The following KIAA1328 variants were observed in gnomAD, a reference collection of about 807,000 sequenced individuals.
KIAA1328 encodes the protein protein hinderin.
A neutral mutation model predicts 68.1 loss-of-function variants in KIAA1328; 52 were observed. The ratio of observed to expected loss-of-function variants is 0.76; its 90% CI spans 0.61 to 0.96. The LOEUF (loss-of-function observed/expected upper bound fraction) is 0.96. KIAA1328 is among the 40% of genes least tolerant of loss of function. The probability of loss-of-function intolerance (pLI) is 0.00; values close to 1 mark genes in which losing one functional copy is unlikely to be tolerated. For synonymous variants in KIAA1328, 232 were observed against 239.4 expected, an observed-to-expected ratio of 0.97 and a Z score of 0.28; for missense variants, 641 against 677.6, an observed-to-expected ratio of 0.95 and a Z score of 0.60.
chr18:37,187,869 A>G (rs2059833701), intron 9 of KIAA1328, among the ~76,000 whole-genome samples: 1 of 152,194 alleles, frequency 6.6e-6, no homozygotes, highest in Admixed American at 6.5e-5. Flanking sequence ...AAGTCACCAC[A>G]GTCATGTACT....
chr18:36,910,646 C>G (rs916691699), intron 5 of KIAA1328, among the ~76,000 whole-genome samples: 17 of 152,024 alleles, frequency 1.1e-4, no homozygotes, highest in Non-Finnish European at 2.2e-4. Flanking sequence ...GTAGTTTTTT[C>G]TAATTCTGTG....
intron 6 of KIAA1328, 60 bp from the exon 7 acceptor site, chr18:37,066,830 A>C: frequency 3.5e-6 from 5 of 1,432,832 alleles, no homozygotes; most frequent in African/African-American, 1.4e-5. Context: ...TGAAAAACCA[A>C]ACGAAAGAAC....
chr18:36,960,328 C>T (rs541914492), intron 6 of KIAA1328, among the ~76,000 whole-genome samples: 1 of 152,336 alleles, frequency 6.6e-6, no homozygotes, highest in East Asian at 1.9e-4. Context: ...TGGAGCCCAC[C>T]GCAGCTCAGC....
chr18:37,157,807 C>CAA (rs542590805), intron 7 of KIAA1328, among the ~76,000 whole-genome samples: 759 of 54,422 alleles, frequency 0.014, 1 homozygote, highest in Non-Finnish European at 0.016. Context: ...GACTCCTCTC[C>CAA]AAAAAAAAAA....
chr18:36,964,066 G>C (rs2051813753), intron 6 of KIAA1328, among the ~76,000 whole-genome samples: 2 of 152,184 alleles, frequency 1.3e-5, no homozygotes, highest in South Asian at 4.1e-4. Flanking sequence ...CAGCTAACAG[G>C]TTGGCAAAGC....
chr18:37,052,430 A>G (rs2055736121), intron 6 of KIAA1328, among the ~76,000 whole-genome samples: 1 of 152,202 alleles, frequency 6.6e-6, no homozygotes, highest in Non-Finnish European at 1.5e-5. Context: ...AATAACTGGA[A>G]CAAGACAAGT....
chr18:36,983,094 A>G (rs962930762), intron 6 of KIAA1328, among the ~76,000 whole-genome samples: 2 of 152,062 alleles, frequency 1.3e-5, no homozygotes, highest in African/African-American at 4.8e-5. Context: ...TAGAAATCAA[A>G]ATAATAGATT....
At chr18:37,158,123 C>T (rs574284011) in intron 7 of KIAA1328, among the ~76,000 whole-genome samples, 1 of 151,854 alleles carries the variant, frequency 6.6e-6, no homozygotes, top group Non-Finnish European at 1.5e-5. Flanking sequence ...AGCCCAAACT[C>T]CTGGGCTCAA....
chr18:36,970,238 T>C (rs2052130541), intron 6 of KIAA1328, among the ~76,000 whole-genome samples: 1 of 152,224 alleles, frequency 6.6e-6, no homozygotes, highest in Non-Finnish European at 1.5e-5. Context: ...AGAAAAGACC[T>C]TTGATAATAA....
intron 5 of KIAA1328, among the ~76,000 whole-genome samples, chr18:36,937,305 GA>G (rs1405438337): frequency 5.9e-5 from 9 of 152,180 alleles, no homozygotes; most frequent in Admixed American, 5.9e-4. Context: ...CACGGGCAAA[GA>G]CTTCATGACA....
At chr18:36,985,225 A>G (rs1012982643) in intron 6 of KIAA1328, among the ~76,000 whole-genome samples, 5 of 152,130 alleles carry the variant, frequency 3.3e-5, no homozygotes, top group African/African-American at 1.2e-4. Context: ...GCTTGAGCCC[A>G]GGAGCTCAAG....
At chr18:37,100,612 A>G (rs959848928) in intron 7 of KIAA1328, among the ~76,000 whole-genome samples, 15 of 152,194 alleles carry the variant, frequency 9.9e-5, no homozygotes, top group Admixed American at 1.3e-4. Flanking sequence ...TAGCCAAACA[A>G]AAGGCAGCAG....
intron 7 of KIAA1328, among the ~76,000 whole-genome samples, chr18:37,127,448 C>A (rs1398922833): frequency 6.6e-6 from 1 of 152,080 alleles, no homozygotes; most frequent in Non-Finnish European, 1.5e-5. Flanking sequence ...GTGGTTGACA[C>A]CTATAATCCC....
chr18:36,930,974 G>C (rs2050288167), intron 5 of KIAA1328, among the ~76,000 whole-genome samples: 1 of 151,864 alleles, frequency 6.6e-6, no homozygotes, highest in African/African-American at 2.4e-5. Flanking sequence ...TCTGAGCTTA[G>C]GGCTCTACTT....
At chr18:36,950,002 A>T (rs2051094072) in intron 5 of KIAA1328, among the ~76,000 whole-genome samples, 1 of 152,220 alleles carries the variant, frequency 6.6e-6, no homozygotes, top group Non-Finnish European at 1.5e-5. Flanking sequence ...GTAAATATTT[A>T]TGTGAAATTC....
intron 6 of KIAA1328, among the ~76,000 whole-genome samples, chr18:37,063,110 AT>A (rs963079054): frequency 1.1e-4 from 17 of 151,464 alleles, no homozygotes; most frequent in African/African-American, 3.6e-4. Context: ...ATATGTATAC[AT>A]GGCTGCATTA....
intron 6 of KIAA1328, among the ~76,000 whole-genome samples, chr18:37,030,359 T>G (rs1206576231): frequency 6.6e-6 from 1 of 152,182 alleles, no homozygotes; most frequent in Non-Finnish European, 1.5e-5. Flanking sequence ...ATTGTTTTAA[T>G]TTTGATTAAT....
chr18:37,011,009 A>G (rs993078290), intron 6 of KIAA1328, among the ~76,000 whole-genome samples: 7 of 152,184 alleles, frequency 4.6e-5, no homozygotes, highest in African/African-American at 1.7e-4. Flanking sequence ...TAGCTATGCT[A>G]CAAGTAGCCA....
intron 7 of KIAA1328, among the ~76,000 whole-genome samples, chr18:37,133,408 T>C (rs1046966374): frequency 6.6e-6 from 1 of 151,566 alleles, no homozygotes; most frequent in Non-Finnish European, 1.5e-5. Flanking sequence ...AATAGTAGAG[T>C]TTTTTAGGGT....
Sources: allele counts gnomAD v4.1 joint callset (sites outside exome capture counted in the v4.1 genomes callset), GRCh38; gene constraint gnomAD v4.1.1; transcripts MANE v1.5; gene names NCBI Gene and HGNC (gene_info 2026-07-23, HGNC 2026-07-21).